Variants in BAZ2B observed in about 807,000 individuals in gnomAD.
BAZ2B encodes the protein bromodomain adjacent to zinc finger domain 2B.
A neutral mutation model predicts 246.0 loss-of-function variants in BAZ2B; 91 were observed. That is an observed-to-expected ratio of 0.37 (90% confidence interval 0.31 to 0.44). The LOEUF (loss-of-function observed/expected upper bound fraction) is 0.44, where lower values mean the gene tolerates loss of function less well. Among genes scored for constraint, BAZ2B ranks in the 20% least tolerant of loss-of-function variants. The pLI, the probability that BAZ2B is intolerant of heterozygous loss-of-function variation, is 1.00. For missense variants in BAZ2B, 2,332 were observed against 2,533.7 expected (o/e 0.92, Z 1.71); for synonymous variants, 855 against 860.0 (o/e 0.99, Z 0.10).
the BAZ2B span, among the ~76,000 whole-genome samples, chr2:159,635,055 A>G: frequency 2.0e-5 from 3 of 152,188 alleles, no homozygotes; most frequent in African/African-American, 7.2e-5. Context: ...AAAGTCTAGG[A>G]ATAGAAAGAA....
At chr2:159,438,031 C>A in intron 8 of BAZ2B, 1 of 297,778 alleles carries the variant, frequency 3.4e-6, no homozygotes, top group South Asian at 5.9e-5. Flanking sequence ...TTTCTAAATC[C>A]TTAGATCTTG....
chr2:159,560,019 T>A (rs1032738922), intron 1 of BAZ2B, among the ~76,000 whole-genome samples: 5 of 152,172 alleles, frequency 3.3e-5, no homozygotes, highest in African/African-American at 1.2e-4. Flanking sequence ...TGATATGCAA[T>A]CCTATGAGTA....
chr2:159,642,562 G>T, the BAZ2B span, among the ~76,000 whole-genome samples: 1 of 151,660 alleles, frequency 6.6e-6, no homozygotes, highest in African/African-American at 2.4e-5. Flanking sequence ...TAACTAATGG[G>T]GGAAATTATA....
At chr2:159,648,221 T>A in the BAZ2B span, among the ~76,000 whole-genome samples, 27 of 152,248 alleles carry the variant, frequency 1.8e-4, no homozygotes, top group African/African-American at 6.3e-4. Flanking sequence ...CACTGCAACC[T>A]CCACTTCCCA....
At chr2:159,519,298 C>T (rs2083835784) in intron 2 of BAZ2B, among the ~76,000 whole-genome samples, 1 of 131,268 alleles carries the variant, frequency 7.6e-6, no homozygotes. Context: ...GGCGCAATCT[C>T]GGCTCACTGC....
chr2:159,438,031 C>T, intron 8 of BAZ2B: 1 of 297,774 alleles, frequency 3.4e-6, no homozygotes, highest in Non-Finnish European at 6.1e-6. Context: ...TTTCTAAATC[C>T]TTAGATCTTG....
At chr2:159,531,577 C>G (rs1459946300) in intron 2 of BAZ2B, among the ~76,000 whole-genome samples, 1 of 152,108 alleles carries the variant, frequency 6.6e-6, no homozygotes, top group Admixed American at 6.5e-5. Context: ...GGAAAAGACT[C>G]CTGAATACTA....
chr2:159,379,744 T>A (rs111280446), intron 25 of BAZ2B, among the ~76,000 whole-genome samples: 3,350 of 152,300 alleles, frequency 0.022, 74 homozygotes, highest in Non-Finnish European at 0.037. Context: ...TTCTTTCACA[T>A]TCCATTGATA....
chr2:159,631,921 G>A, the BAZ2B span, among the ~76,000 whole-genome samples: 3 of 151,966 alleles, frequency 2.0e-5, no homozygotes, highest in East Asian at 5.8e-4. Context: ...TATATCACAA[G>A]ATTTCAACAT....
intron 1 of BAZ2B, among the ~76,000 whole-genome samples, chr2:159,598,149 AC>A (rs1303826900): frequency 1.3e-5 from 2 of 151,958 alleles, no homozygotes; most frequent in Non-Finnish European, 2.9e-5. Flanking sequence ...GCCTGCCACC[AC>A]GCCCAGCTCA....
At chr2:159,487,893 A>C (rs1241148275) in intron 2 of BAZ2B, among the ~76,000 whole-genome samples, 1 of 152,042 alleles carries the variant, frequency 6.6e-6, no homozygotes, top group African/African-American at 2.4e-5. Context: ...GGAAAAATCT[A>C]AGTTTGGAAA....
intron 2 of BAZ2B, among the ~76,000 whole-genome samples, chr2:159,513,719 T>G (rs1247153158): frequency 6.6e-6 from 1 of 152,218 alleles, no homozygotes. Context: ...TTCTCTCATT[T>G]AGATTACTCT....
At chr2:159,505,776 G>A (rs1022562153) in intron 2 of BAZ2B, among the ~76,000 whole-genome samples, 1 of 152,104 alleles carries the variant, frequency 6.6e-6, no homozygotes, top group Non-Finnish European at 1.5e-5. Context: ...AAGCCAAGTA[G>A]GAAAATAAAA....
Position 159,486,230 on chromosome 2 carries a change from C to A in BAZ2B, c.-2-7509G>T, listed in dbSNP as rs536270272. Among the ~76,000 whole-genome samples the A allele has an allele frequency of 7.9e-5, 12 of 151,984 alleles. No individual in the cohort carries two copies. In the South Asian group the frequency reaches 1.7e-3, roughly 21 times the overall value. On this transcript the variant is annotated intron_variant, in intron 2 of 36. Coordinates refer to ENST00000392783, the MANE Select transcript of BAZ2B (RefSeq NM_013450.4). ...TTAGCTGATCCTTTCATCTACAAATCCAAGGGGCTCCAAAGAACAAGCAAA... is the reference window on the plus strand; with the variant it reads ...TTAGCTGATCCTTTCATCTACAAATACAAGGGGCTCCAAAGAACAAGCAAA...
At chr2:159,614,655 A>G (rs1695484783) in intron 1 of BAZ2B, among the ~76,000 whole-genome samples, 1 of 152,152 alleles carries the variant, frequency 6.6e-6, no homozygotes, top group Non-Finnish European at 1.5e-5. Context: ...AACCAGATAA[A>G]TAACAAATGA....
chr2:159,566,613 C>CA (rs751027180), intron 1 of BAZ2B, among the ~76,000 whole-genome samples: 3 of 152,198 alleles, frequency 2.0e-5, no homozygotes, highest in Non-Finnish European at 4.4e-5. Flanking sequence ...AAATTTTCAT[C>CA]ATCTCCAGAG....
chr2:159,488,444 T>C (rs996083719), intron 2 of BAZ2B, among the ~76,000 whole-genome samples: 1 of 152,168 alleles, frequency 6.6e-6, no homozygotes, highest in Non-Finnish European at 1.5e-5. Context: ...TACCCTGATG[T>C]GATTATAATG....
Position 159,439,170 on chromosome 2 carries a change from T to C in BAZ2B, c.739A>G (p.Ser247Gly). 3.1e-6 allele frequency: 5 copies of C among 1,614,044 alleles called. No homozygotes were observed. The highest frequency in any genetic ancestry group is 4.2e-6 in the Non-Finnish European group (5 of 1,179,934). The change falls in exon 7 of 37, where the codon AGT becomes GGT. Residue 247 changes from serine (S) to glycine (G), a missense_variant. Ser to Gly is a moderately conservative substitution (Grantham distance 56). Transcript: ENST00000392783. Reference sequence around the variant, plus strand: ...GTGTCTGATGATGTGCCTGAATCACTATCACTGTTGCTAGAACTTTCCATT... The same window carrying C: ...GTGTCTGATGATGTGCCTGAATCACCATCACTGTTGCTAGAACTTTCCATT... ...KAMESSSNSD[S>G]DSGTSSDTSS...
chr2:159,329,406 T>A (rs923813293), intron 34 of BAZ2B, among the ~76,000 whole-genome samples: 3 of 152,066 alleles, frequency 2.0e-5, no homozygotes, highest in Non-Finnish European at 2.9e-5. Context: ...CCATGGTGGA[T>A]CCTGGAGCTA....
Sources: allele counts gnomAD v4.1 joint callset (sites outside exome capture counted in the v4.1 genomes callset), GRCh38; gene constraint gnomAD v4.1.1; transcripts MANE v1.5; gene names NCBI Gene and HGNC (gene_info 2026-07-23, HGNC 2026-07-21).